Variants in PIGO observed in about 807,000 individuals in gnomAD.
PIGO encodes the protein GPI ethanolamine phosphate transferase 3, catalytic subunit.
PIGO carries 66 observed loss-of-function variants against 86.9 expected under a neutral mutation model. The observed-to-expected ratio is 0.76, with a 90% confidence interval of 0.62 to 0.93. The LOEUF (loss-of-function observed/expected upper bound fraction) is 0.93. Among genes scored for constraint, PIGO ranks in the 40% least tolerant of loss-of-function variants. PIGO has a pLI of 0.00. For synonymous variants in PIGO, 570 were observed against 556.4 expected, an observed-to-expected ratio of 1.02 and a Z score of -0.34; for missense variants, 1,202 against 1,359.1, an observed-to-expected ratio of 0.88 and a Z score of 1.82.
rs1587158417 is a variant in PIGO, at chr9:35,090,208, G to A, written c.2927C>T (p.Pro976Leu). The A allele has an allele frequency of 3.7e-6, 6 of 1,614,164 alleles. No homozygotes were observed. In the East Asian group the frequency reaches 1.1e-4, roughly 30 times the overall value. ...SQGLRKRQQP[P>L]GNEADARVRP... ...GACTCTGGCATCAGCTTCATTCCCT[G>A]GGGGCTGCTGTCTCTTCCGCAGCCC... is the stretch of plus-strand genomic sequence containing the variant. The change falls in exon 9 of 11, where the codon CCA (proline) becomes CTA (leucine). Residue 976 changes from proline to leucine, a missense_variant. By Grantham distance (98) the Pro-to-Leu change is moderately conservative. Coordinates refer to ENST00000378617, the MANE Select transcript of PIGO (RefSeq NM_032634.4).
chr9:35,092,698 G>T lies in PIGO; in HGVS notation c.1189C>A (p.Gln397Lys). 6.2e-7 allele frequency: 1 copy of T among 1,614,100 alleles called. No homozygotes were observed. Among genetic ancestry groups the T allele is most frequent in the South Asian group, 1.1e-5 (1 of 91,086 alleles). The change falls in exon 7 of 11, where the codon CAG becomes AAG. Residue 397 changes from glutamine to lysine, a missense_variant. Coordinates refer to ENST00000378617, the MANE Select transcript of PIGO (RefSeq NM_032634.4). ...GCAGAGGCCTTGGAGAAGAGGTTCT[G>T]CAGCTGATGAAGCTCCTTAGCTTGA... ...DLQAKELHQL[Q>K]NLFSKASADY...
At position 35,094,288 on chromosome 9, in the gene PIGO, A is replaced by C. The variant is rs1421287635; in HGVS notation, c.583T>G (p.Phe195Val). Residue 195 changes from phenylalanine (F) to valine (V), a missense_variant, in exon 3 of 11, where the codon TTC becomes GTC. Coordinates refer to ENST00000378617, the MANE Select transcript of PIGO (RefSeq NM_032634.4). ...TCTCTGACATTGAAGGATGGGAAGA[A>C]GAAAGCTTTGGAGAAAGCACCAGGG... ...LFPGAFSKAF[F>V]FPSFNVRDLD... The C allele has an allele frequency of 6.2e-7, 1 of 1,607,990 alleles. No individual in the cohort carries two copies. Among genetic ancestry groups the C allele is most frequent in the Non-Finnish European group, 8.5e-7 (1 of 1,178,552 alleles).
intron 2 of PIGO, 26 bp from the exon 3 acceptor site, chr9:35,094,385 G>C: frequency 6.3e-7 from 1 of 1,589,774 alleles, no homozygotes; most frequent in Non-Finnish European, 8.5e-7. Context: ...AGAGAAGTCA[G>C]AGCCTGAGCA....
At chr9:35,089,487 G>T (rs747455438) in intron 9 of PIGO, 37 bp from the exon 10 acceptor site, 1 of 1,613,842 alleles carries the variant, frequency 6.2e-7, no homozygotes. Context: ...TACTTGTGAA[G>T]GAGAGGAGGA....
chr9:35,090,731 T>C, intron 7 of PIGO, 59 bp from the exon 8 acceptor site: 2 of 1,520,962 alleles, frequency 1.3e-6, no homozygotes, highest in Non-Finnish European at 1.8e-6. Flanking sequence ...CATAGGCTAC[T>C]GCTCCACAAT....
Position 35,091,563 on chromosome 9 carries a change from C to T in PIGO, c.2324G>A (p.Arg775Lys). ...GAAGGGAGTGAGGACAGTCCTGGTCCTTGGAGCGCCTGCCCCAGCCTTCAC... is the reference window on the plus strand; with the variant it reads ...GAAGGGAGTGAGGACAGTCCTGGTCTTTGGAGCGCCTGCCCCAGCCTTCAC... ...VLVKAGAGAP[R>K]TRTVLTPFSG... Residue 775 changes from arginine (R) to lysine (K), a missense_variant, in exon 7 of 11, where the codon AGG (arginine) becomes AAG (lysine). By Grantham distance (26) the Arg-to-Lys change is conservative (BLOSUM62 2). Coordinates refer to ENST00000378617, the MANE Select transcript of PIGO (RefSeq NM_032634.4). The T allele has an allele frequency of 9.3e-6, 15 of 1,614,086 alleles. No homozygotes were observed. Among genetic ancestry groups the T allele is most frequent in the Non-Finnish European group, 1.2e-5 (14 of 1,180,034 alleles).
chr9:35,090,730 C>T, intron 7 of PIGO, 58 bp from the exon 8 acceptor site: 2 of 1,528,794 alleles, frequency 1.3e-6, no homozygotes. Flanking sequence ...CCATAGGCTA[C>T]TGCTCCACAA....
intron 4 of PIGO, 118 bp from the exon 5 acceptor site, chr9:35,093,698 G>A (rs1009337466): frequency 2.1e-6 from 3 of 1,420,306 alleles, no homozygotes; most frequent in African/African-American, 2.9e-5. Context: ...GTAAGGCCTA[G>A]ACCTTTGGCA....
At position 35,090,624 on chromosome 9, in the gene PIGO, G is replaced by C. The variant is rs774193694; in HGVS notation, c.2696C>G (p.Ala899Gly). ...WQAVSAWALM[A>G]TQTFYSTGHQ... Reference sequence around the variant, plus strand: ...GCCTGTGGAGTAGAAGGTCTGTGTGGCCATGAGGGCCCAAGCCGAGACTGC... The same window carrying C: ...GCCTGTGGAGTAGAAGGTCTGTGTGCCCATGAGGGCCCAAGCCGAGACTGC... The change falls in exon 8 of 11, where the codon GCC (alanine) becomes GGC (glycine). Residue 899 changes from alanine to glycine, a missense_variant. Transcript: ENST00000378617. 2.5e-6 allele frequency: 4 copies of C among 1,613,810 alleles called. No individual in the cohort carries two copies. Among genetic ancestry groups the C allele is most frequent in the Admixed American group, 1.7e-5 (1 of 60,004 alleles).
intron 1 of PIGO, 140 bp from the exon 2 acceptor site, chr9:35,095,706 G>A (rs989477142): frequency 1.2e-5 from 13 of 1,092,686 alleles, no homozygotes; most frequent in Admixed American, 1.2e-4. Context: ...CCAACCCCTC[G>A]CAATATTACT....
chr9:35,093,883 C>G lies in PIGO; in HGVS notation c.779+18G>C. ...CTCAGACACAAACCCACTCCCCCAG[C>G]CAATACCCCACACTCACTGGATCAC... On this transcript the variant is annotated intron_variant, in intron 4 of 10. Coordinates refer to ENST00000378617, the MANE Select transcript of PIGO (RefSeq NM_032634.4). 6.2e-7 allele frequency: 1 copy of G among 1,612,766 alleles called. No individual in the cohort carries two copies. The highest frequency in any genetic ancestry group is 8.5e-7 in the Non-Finnish European group (1 of 1,179,472).
chr9:35,092,121 T>C lies in PIGO; in HGVS notation c.1766A>G (p.His589Arg). Residue 589 changes from histidine (H) to arginine (R), a missense_variant, in exon 7 of 11, where the codon CAC becomes CGC. Transcript: ENST00000378617. ...AGGTGGAAGCAGCTGGCCCTCCCAG[T>C]GAAGCTGGACAACCAGGAGCAGGAT... is the stretch of plus-strand genomic sequence containing the variant. ...SFILLLVVQL[H>R]WEGQLLPPKL... 6.2e-7 allele frequency: 1 copy of C among 1,614,110 alleles called. No individual in the cohort carries two copies. The highest frequency in any genetic ancestry group is 8.5e-7 in the Non-Finnish European group (1 of 1,180,008).
Position 35,095,669 on chromosome 9 carries a change from C to A in PIGO, c.-1-103G>T, listed in dbSNP as rs976844172. ...AGCTAGAATCACTTCCTCCCGGAAA[C>A]CTTCCTGGAGATAAACCATTTCACA... On this transcript the variant is annotated intron_variant, in intron 1 of 10. Transcript: ENST00000378617. 61 of 1,339,214 alleles carry A rather than the reference C, an allele frequency of 4.6e-5. 1 individual carries two copies. In the South Asian group the frequency reaches 9.2e-4, roughly 20 times the overall value. The allele number at this position is 1,339,214 out of a possible 1,614,324, so 83.0% of individuals were successfully genotyped here.
chr9:35,092,832 G>T (rs1391005031), intron 6 of PIGO, 65 bp from the exon 7 acceptor site: 2 of 1,458,318 alleles, frequency 1.4e-6, no homozygotes, highest in African/African-American at 1.4e-5. Context: ...GCAGAGGCAA[G>T]AATAGGTATT....
In PIGO at chr9:35,095,096, G is replaced by A. The variant is rs764817207; in HGVS notation, c.470C>T (p.Ala157Val). The change falls in exon 2 of 11, where the codon GCC (alanine) becomes GTC (valine). Residue 157 changes from alanine (A) to valine (V), a missense_variant. Transcript: ENST00000378617. ...IDAGSNFASHAIVEDNLIKQL... is the reference protein window; with the variant it reads ...IDAGSNFASHVIVEDNLIKQL... ...CTTAATGAGATTGTCTTCCACTATG[G>A]CGTGGCTGGCGAAGTTACTACCAGC... is the stretch of plus-strand genomic sequence containing the variant. 5.0e-6 allele frequency: 8 copies of A among 1,611,790 alleles called. No individual in the cohort carries two copies. In the South Asian group the frequency reaches 5.5e-5, roughly 11 times the overall value.
chr9:35,095,880 T>A (rs1829649588), intron 1 of PIGO: 1 of 219,670 alleles, frequency 4.6e-6, no homozygotes. Flanking sequence ...GGCGGGCACC[T>A]GTAGTCTCAG....
Position 35,092,202 on chromosome 9 carries a change from GAGA to G in PIGO, c.1682_1684del (p.Phe561del). 6.2e-7 allele frequency: 1 copy of G among 1,614,224 alleles called. No individual in the cohort carries two copies. The highest frequency in any genetic ancestry group is 1.1e-5 in the South Asian group (1 of 91,084). ...GGCCTCAGCTACAACAAAACTATCA[GAGA>G]AGAACACAGCCAAGCGAAACAGCAG... On this transcript the variant is annotated inframe_deletion, in exon 7 of 11. Transcript: ENST00000378617.
chr9:35,095,315 T>C lies in PIGO; in HGVS notation c.251A>G (p.Gln84Arg). The C allele has an allele frequency of 1.2e-6, 2 of 1,614,194 alleles. No homozygotes were observed. The highest frequency in any genetic ancestry group is 1.7e-6 in the Non-Finnish European group (2 of 1,180,026). ...TCTAGGCACGTGTGAATGCTGGGGC[T>C]GGGCGAAGTCAAATCGCAGAGCATC... ...LIDALRFDFA[Q>R]PQHSHVPREP... The change falls in exon 2 of 11, where the codon CAG becomes CGG. Residue 84 changes from glutamine (Q) to arginine (R), a missense_variant. Transcript: ENST00000378617.
intron 6 of PIGO, 93 bp from the exon 7 acceptor site, chr9:35,092,860 G>A: frequency 7.2e-7 from 1 of 1,384,068 alleles, no homozygotes; most frequent in Admixed American, 2.4e-5. Context: ...GGGGTACCTG[G>A]AAGTCAAGGA....
Sources: allele counts gnomAD v4.1 joint callset, GRCh38; gene constraint gnomAD v4.1.1; transcripts MANE v1.5; gene names NCBI Gene and HGNC (gene_info 2026-07-23, HGNC 2026-07-21).